The following IFRD1 variants were observed in gnomAD, a reference collection of about 807,000 sequenced individuals.
IFRD1 encodes the protein interferon-related developmental regulator 1.
In IFRD1, 35 loss-of-function variants were observed where a neutral mutation model predicts 52.9. The ratio of observed to expected loss-of-function variants is 0.66; its 90% CI spans 0.51 to 0.88. The LOEUF (loss-of-function observed/expected upper bound fraction) is 0.88. Among genes scored for constraint, IFRD1 ranks in the 40% least tolerant of loss-of-function variants. The pLI is 0.00. For missense variants in IFRD1, 517 were observed against 550.8 expected, an observed-to-expected ratio of 0.94 and a Z score of 0.61; for synonymous variants, 184 against 188.4, an observed-to-expected ratio of 0.98 and a Z score of 0.19.
intron 4 of IFRD1, chr7:112,457,311 T>TCTTGTTATA (rs1795321134): frequency 3.6e-6 from 2 of 561,332 alleles, no homozygotes; most frequent in African/African-American, 3.8e-5. Context: ...ATGGTCATTC[T>TCTTGTTATA]CTTGTTATAC....
chr7:112,459,128 C>A, intron 5 of IFRD1, 110 bp downstream of exon 5: 1 of 936,168 alleles, frequency 1.1e-6, no homozygotes, highest in Non-Finnish European at 1.7e-6. Flanking sequence ...GAGAGAGGAT[C>A]TTGTAAGTCC....
chr7:112,472,673 C>T, intron 10 of IFRD1, 93 bp from the exon 11 acceptor site: 4 of 870,094 alleles, frequency 4.6e-6, no homozygotes, highest in Non-Finnish European at 5.9e-6. Context: ...CTGTGGGTTC[C>T]ACATAACTTC....
intron 1 of IFRD1, chr7:112,452,424 T>C: frequency 1.0e-6 from 1 of 979,754 alleles, no homozygotes; most frequent in Non-Finnish European, 1.2e-6. Context: ...CCCACAATGC[T>C]GGGACGGTGC....
At chr7:112,430,615 C>T (rs1794526472) in intron 1 of IFRD1, among the ~76,000 whole-genome samples, 1 of 152,184 alleles carries the variant, frequency 6.6e-6, no homozygotes, top group South Asian at 2.1e-4. Flanking sequence ...AGAAGTCTTT[C>T]ACATCTGGCC....
intron 11 of IFRD1, among the ~76,000 whole-genome samples, chr7:112,474,373 G>A (rs1408701806): frequency 3.3e-5 from 5 of 152,276 alleles, no homozygotes; most frequent in Admixed American, 6.5e-5. Context: ...CATCAGCAAT[G>A]TAGAAAGAAA....
At position 112,450,564 on chromosome 7, in the gene IFRD1, G is replaced by T. The variant is rs1584483994; in HGVS notation, c.-125G>T. 1 of 741,240 alleles carries T rather than the reference G, an allele frequency of 1.3e-6. No homozygotes were observed. The highest frequency in any genetic ancestry group is 2.4e-6 in the Non-Finnish European group (1 of 410,874). The allele number at this position is 741,240 out of a possible 1,614,324, so 45.9% of individuals were successfully genotyped here. On this transcript the variant is annotated 5_prime_UTR_variant, in exon 1 of 12. Coordinates refer to ENST00000403825, the MANE Select transcript of IFRD1 (RefSeq NM_001550.4). ...CCCACTCTTACCCCCGCCGCTTCTC[G>T]ACTCTGTTGTTAGCCGAAGACTCGC... is the stretch of plus-strand genomic sequence containing the variant.
In IFRD1 at chr7:112,468,052, C is replaced by T. The variant is rs1415054454; in HGVS notation, c.978C>T (p.His326=). The T allele has an allele frequency of 1.9e-6, 3 of 1,613,988 alleles. No homozygotes were observed. Among genetic ancestry groups the T allele is most frequent in the African/African-American group, 1.3e-5 (1 of 75,004 alleles). The change falls in exon 9 of 12, where the codon CAC becomes CAT. Residue 326 remains histidine, a synonymous_variant. Coordinates refer to ENST00000403825, the MANE Select transcript of IFRD1 (RefSeq NM_001550.4). ...LRALATDGNK[H]RAKVDKRKQR... ...CCTTGGCAACAGATGGAAATAAACA[C>T]CGGGCCAAAGTGGACAAGAGAAAGC... is the stretch of plus-strand genomic sequence containing the variant.
chr7:112,431,161 G>A (rs937539666), intron 1 of IFRD1, among the ~76,000 whole-genome samples: 1 of 152,196 alleles, frequency 6.6e-6, no homozygotes, highest in African/African-American at 2.4e-5. Flanking sequence ...AGGGCACAAA[G>A]GGAGCTAAGG....
intron 1 of IFRD1, among the ~76,000 whole-genome samples, chr7:112,425,112 C>A (rs1794400169): frequency 6.6e-6 from 1 of 152,010 alleles, no homozygotes; most frequent in Non-Finnish European, 1.5e-5. Context: ...CTCAAGCAAT[C>A]TTCCTGCCTC....
upstream of IFRD1, among the ~76,000 whole-genome samples, chr7:112,446,567 G>A (rs1380133690): frequency 1.3e-5 from 2 of 152,172 alleles, no homozygotes; most frequent in Non-Finnish European, 2.9e-5. Flanking sequence ...CAGGGTGGAG[G>A]TGCTGGTGGT....
chr7:112,445,075 T>TTC (rs1005673208), intron 1 of IFRD1, among the ~76,000 whole-genome samples: 1 of 147,798 alleles, frequency 6.8e-6, no homozygotes, highest in Non-Finnish European at 1.5e-5. Flanking sequence ...TTTTTTTTTT[T>TTC]TTTTTTTTTG....
At chr7:112,432,444 G>A (rs759113761) in intron 1 of IFRD1, among the ~76,000 whole-genome samples, 1 of 152,162 alleles carries the variant, frequency 6.6e-6, no homozygotes, top group Non-Finnish European at 1.5e-5. Flanking sequence ...GACTAAGCCA[G>A]GATTTGAATC....
At position 112,458,842 on chromosome 7, in the gene IFRD1, A is replaced by G. The variant is rs1485302734; in HGVS notation, c.410-19A>G. 1.9e-6 allele frequency: 3 copies of G among 1,612,716 alleles called. No individual in the cohort carries two copies. The South Asian group carries it at 3.3e-5, about 18-fold the overall frequency. ...CTACTGAAAAGACTATCGTGATTGC[A>G]TCTTGGCTGCTTTTATAGGTAAGAG... On this transcript the variant is annotated intron_variant, in intron 4 of 11. Transcript: ENST00000403825.
intron 9 of IFRD1, among the ~76,000 whole-genome samples, chr7:112,471,361 T>C (rs1005659): frequency 0.46 from 70,423 of 151,900 alleles, 16,787 homozygotes; most frequent in Non-Finnish European, 0.51. Flanking sequence ...GACGGTCTTT[T>C]CTATTACATT....
At chr7:112,470,276 C>T (rs569331872) in intron 9 of IFRD1, among the ~76,000 whole-genome samples, 19 of 152,324 alleles carry the variant, frequency 1.2e-4, no homozygotes, top group Admixed American at 1.0e-3. Context: ...TTTGAACCCA[C>T]TGTTCTGTGC....
chr7:112,454,329 A>G (rs1208695704), intron 1 of IFRD1, among the ~76,000 whole-genome samples: 1 of 151,946 alleles, frequency 6.6e-6, no homozygotes, highest in Non-Finnish European at 1.5e-5. Context: ...ATTAGCTGGG[A>G]TTACAAGCGC....
At chr7:112,455,728 A>G (rs1795274402) in intron 1 of IFRD1, 35 bp from the exon 2 acceptor site, 2 of 1,420,630 alleles carry the variant, frequency 1.4e-6, no homozygotes, top group Non-Finnish European at 1.0e-6. Flanking sequence ...ATATGGCAAT[A>G]AAATAATTTA....
In IFRD1 at chr7:112,475,516, C is replaced by T; in HGVS notation, c.1353C>T (p.Phe451=). ...RDKRADVGEF[F] is the part of the protein sequence containing the mutation. ...AGAGAGCAGATGTTGGAGAATTCTT[C>T]TAGATTTTCAGAACTTGAAGACTAT... Residue 451 remains phenylalanine (F), a synonymous_variant, in exon 12 of 12, where the codon TTC becomes TTT. Transcript: ENST00000403825. 2.5e-6 allele frequency: 4 copies of T among 1,588,566 alleles called. No homozygotes were observed. The highest frequency in any genetic ancestry group is 3.5e-6 in the Non-Finnish European group (4 of 1,158,148).
rs1327600319 is a variant in IFRD1 at position 112,457,044 on chromosome 7, G to A, written c.409+6G>A. ...TGAACGCTGCCTGAAAAAAGGTAATGCCCTTATTTTTGAGTCACAGACGTA... is the reference window on the plus strand; with the variant it reads ...TGAACGCTGCCTGAAAAAAGGTAATACCCTTATTTTTGAGTCACAGACGTA... On this transcript the variant is annotated splice_donor_region_variant and intron_variant, in intron 4 of 11. Coordinates refer to ENST00000403825, the MANE Select transcript of IFRD1 (RefSeq NM_001550.4). The A allele has an allele frequency of 6.2e-7, 1 of 1,613,446 alleles. No homozygotes were observed. The highest frequency in any genetic ancestry group is 2.2e-5 in the East Asian group (1 of 44,840).
Sources: allele counts gnomAD v4.1 joint callset (sites outside exome capture counted in the v4.1 genomes callset), GRCh38; gene constraint gnomAD v4.1.1; transcripts MANE v1.5; gene names NCBI Gene and HGNC (gene_info 2026-07-23, HGNC 2026-07-21).